Variants in PAFAH1B1 observed in about 807,000 individuals in gnomAD.
PAFAH1B1 encodes the protein platelet activating factor acetylhydrolase 1b regulatory subunit 1.
Under a neutral mutation model 57.5 loss-of-function variants are expected in PAFAH1B1, and 2 were observed. The observed-to-expected ratio is 0.03, with a 90% CI of 0.01 to 0.11. The LOEUF (loss-of-function observed/expected upper bound fraction) is 0.11. Ranked by LOEUF, PAFAH1B1 falls within the 10% of genes least tolerant of loss-of-function variation. The pLI is 1.00. For synonymous variants in PAFAH1B1, 152 were observed against 169.6 expected, an observed-to-expected ratio of 0.90 and a Z score of 0.81; for missense variants, 257 against 512.0, an observed-to-expected ratio of 0.50 and a Z score of 4.81.
intron 4 of PAFAH1B1, 105 bp from the exon 5 acceptor site, chr17:2,666,887 C>A: frequency 4.1e-6 from 3 of 728,494 alleles, no homozygotes; most frequent in African/African-American, 3.6e-5. Context: ...GAAATTTTTT[C>A]AAGTATCCTA....
intron 2 of PAFAH1B1, among the ~76,000 whole-genome samples, chr17:2,649,226 A>G (rs1158994039): frequency 6.6e-6 from 1 of 151,160 alleles, no homozygotes; most frequent in Admixed American, 6.6e-5. Flanking sequence ...AAAAAAAAAA[A>G]AAAAAATTAA....
At chr17:2,640,106 T>TA (rs1222621420) in intron 2 of PAFAH1B1, 1 of 152,232 alleles carries the variant, frequency 6.6e-6, no homozygotes, top group Non-Finnish European at 1.5e-5. Context: ...TAAACCATGT[T>TA]AGAGTAAGTT....
At chr17:2,625,418 T>G (rs1352684703) in intron 1 of PAFAH1B1, among the ~76,000 whole-genome samples, 1 of 152,220 alleles carries the variant, frequency 6.6e-6, no homozygotes, top group Non-Finnish European at 1.5e-5. Flanking sequence ...CATGCAATAT[T>G]TTGTTTATTT....
rs1478954865 is a variant in PAFAH1B1, at chr17:2,665,273, AAG to A, written c.33-96_33-95del. The stretch of plus-strand genomic sequence containing the variant: ...TGATTTGAAAGGGAATACTCTTGAA[AAG>A]AGTATCTTCAGGGTTAATGAGATTT... On this transcript the variant is annotated intron_variant, in intron 2 of 10. Coordinates refer to ENST00000397195, the MANE Select transcript of PAFAH1B1 (RefSeq NM_000430.4). The A allele has an allele frequency of 6.7e-6, 5 of 748,062 alleles. No homozygotes were observed. In the East Asian group the frequency reaches 1.3e-4, roughly 20 times the overall value. The allele number at this position is 748,062 out of a possible 1,614,324, so 46.3% of individuals were successfully genotyped here. A position where few individuals can be genotyped will look rare whatever the true frequency, so the allele number is the denominator to read the frequency against.
chr17:2,647,346 A>G (rs1006752715), intron 2 of PAFAH1B1, among the ~76,000 whole-genome samples: 1 of 151,954 alleles, frequency 6.6e-6, no homozygotes, highest in Non-Finnish European at 1.5e-5. Context: ...AGCCTGGGAG[A>G]CAGAGTGAGA....
Position 2,684,223 on chromosome 17 carries a change from T to TG in PAFAH1B1, c.*2426dup, listed in dbSNP as rs2069433303. On this transcript the variant is annotated 3_prime_UTR_variant, in exon 11 of 11. Transcript: ENST00000397195. ...TGAGCCCTGTTTAATAACGAAGGGG[T>TG]GGGGGAGAGCAGTCCGTCTACAACC... 2 of 152,064 alleles carry TG rather than the reference T, an allele frequency of 1.3e-5. No individual in the cohort carries two copies. Among genetic ancestry groups the TG allele is most frequent in the South Asian group, 4.2e-4 (2 of 4,802 alleles). The allele number at this position is 152,064 out of a possible 1,614,324, so 9.4% of individuals were successfully genotyped here. A position where few individuals can be genotyped will look rare whatever the true frequency, so the allele number is the denominator to read the frequency against.
intron 2 of PAFAH1B1, chr17:2,642,290 C>CT (rs2068706055): frequency 6.6e-6 from 1 of 152,150 alleles, no homozygotes; most frequent in Admixed American, 6.6e-5. Context: ...AAATCTGAAA[C>CT]TTTTTGAGTG....
At chr17:2,660,263 G>A (rs533334130) in intron 2 of PAFAH1B1, among the ~76,000 whole-genome samples, 6 of 151,212 alleles carry the variant, frequency 4.0e-5, no homozygotes, top group African/African-American at 1.2e-4. Context: ...TTTAAGTTCC[G>A]GGATACATGT....
At chr17:2,601,084 A>C (rs2068137893) in intron 1 of PAFAH1B1, among the ~76,000 whole-genome samples, 1 of 152,156 alleles carries the variant, frequency 6.6e-6, no homozygotes, top group South Asian at 2.1e-4. Context: ...ATTGTCAGAG[A>C]AAATGAAATA....
intron 8 of PAFAH1B1, among the ~76,000 whole-genome samples, chr17:2,675,802 C>T (rs765349391): frequency 1.3e-5 from 2 of 152,208 alleles, no homozygotes; most frequent in Middle Eastern, 3.4e-3. Context: ...GATTGTTCCA[C>T]TGCACTCCAG....
At chr17:2,675,879 A>G (rs2069257475) in intron 8 of PAFAH1B1, among the ~76,000 whole-genome samples, 1 of 152,158 alleles carries the variant, frequency 6.6e-6, no homozygotes, top group African/African-American at 2.4e-5. Flanking sequence ...TCAAAAAAAT[A>G]AATAAGTAAA....
At chr17:2,665,328 A>G (rs1016579901) in intron 2 of PAFAH1B1, 44 bp from the exon 3 acceptor site, 2 of 1,035,546 alleles carry the variant, frequency 1.9e-6, no homozygotes, top group Non-Finnish European at 3.1e-6. Flanking sequence ...TTCAGAATAG[A>G]AATGAGGTCT....
chr17:2,612,090 T>C (rs2068273763), intron 1 of PAFAH1B1, among the ~76,000 whole-genome samples: 1 of 152,184 alleles, frequency 6.6e-6, no homozygotes, highest in African/African-American at 2.4e-5. Context: ...AGTAGTATCT[T>C]GGTGTGACGA....
At chr17:2,657,670 G>A (rs372450841) in intron 2 of PAFAH1B1, among the ~76,000 whole-genome samples, 5 of 152,174 alleles carry the variant, frequency 3.3e-5, no homozygotes, top group South Asian at 4.1e-4. Flanking sequence ...TTAAGTCCTC[G>A]CATCTCGCCT....
chr17:2,677,180 A>G (rs2069283445), intron 9 of PAFAH1B1, among the ~76,000 whole-genome samples: 1 of 152,192 alleles, frequency 6.6e-6, no homozygotes, highest in Non-Finnish European at 1.5e-5. Flanking sequence ...ACAAATGTGT[A>G]ATATCTCTTA....
At chr17:2,619,879 A>C (rs2068395961) in intron 1 of PAFAH1B1, among the ~76,000 whole-genome samples, 2 of 152,094 alleles carry the variant, frequency 1.3e-5, no homozygotes, top group Non-Finnish European at 2.9e-5. Context: ...TCCTGGGCCC[A>C]GATATTCTCC....
chr17:2,660,191 C>T (rs879724152), intron 2 of PAFAH1B1, among the ~76,000 whole-genome samples: 3 of 148,312 alleles, frequency 2.0e-5, no homozygotes, highest in Non-Finnish European at 4.5e-5. Flanking sequence ...TCCATTGCTG[C>T]CCTGAATATG....
At chr17:2,651,168 C>T (rs1311738506) in intron 2 of PAFAH1B1, among the ~76,000 whole-genome samples, 2 of 152,034 alleles carry the variant, frequency 1.3e-5, no homozygotes, top group Admixed American at 6.6e-5. Context: ...TATTGAATAG[C>T]CCTTTCCTTA....
intron 8 of PAFAH1B1, among the ~76,000 whole-genome samples, chr17:2,674,660 G>A (rs1366156209): frequency 6.6e-6 from 1 of 152,086 alleles, no homozygotes; most frequent in Non-Finnish European, 1.5e-5. Context: ...ATAAATTTAT[G>A]GTAAAATGCA....
Sources: allele counts gnomAD v4.1 joint callset (sites outside exome capture counted in the v4.1 genomes callset), GRCh38; gene constraint gnomAD v4.1.1; transcripts MANE v1.5; gene names NCBI Gene and HGNC (gene_info 2026-07-23, HGNC 2026-07-21).